The following CACNA2D3 variants were observed in gnomAD, a reference collection of about 807,000 sequenced individuals.
CACNA2D3 encodes the protein calcium voltage-gated channel auxiliary subunit alpha2delta 3.
In CACNA2D3, 60 loss-of-function variants were observed where a neutral mutation model predicts 160.6. The observed-to-expected ratio is 0.37, with a 90% CI of 0.30 to 0.46. The LOEUF (loss-of-function observed/expected upper bound fraction) is 0.46, where lower values mean the gene tolerates loss of function less well. Ranked by LOEUF, CACNA2D3 falls within the 20% of genes least tolerant of loss-of-function variation. CACNA2D3 has a pLI of 1.00. For synonymous variants in CACNA2D3, 558 were observed against 492.9 expected (o/e 1.13, Z -1.75); for missense variants, 1,205 against 1,365.0 (o/e 0.88, Z 1.85).
intron 31 of CACNA2D3, among the ~76,000 whole-genome samples, chr3:54,991,702 A>C (rs1358618336): frequency 6.6e-6 from 1 of 152,092 alleles, no homozygotes; most frequent in African/African-American, 2.4e-5. Context: ...CTGGACTTGA[A>C]ATAAGAAGAC....
At chr3:54,224,250 G>A (rs1701627424) in intron 2 of CACNA2D3, among the ~76,000 whole-genome samples, 1 of 151,324 alleles carries the variant, frequency 6.6e-6, no homozygotes, top group Non-Finnish European at 1.5e-5. Flanking sequence ...CCTCCTGAAG[G>A]ACGTGCCTGA....
At chr3:54,479,796 G>T (rs1575480304) in intron 4 of CACNA2D3, among the ~76,000 whole-genome samples, 1 of 152,204 alleles carries the variant, frequency 6.6e-6, no homozygotes, top group African/African-American at 2.4e-5. Context: ...ATGATTAAAT[G>T]ATGTATTTAA....
intron 35 of CACNA2D3, among the ~76,000 whole-genome samples, chr3:55,030,347 G>A (rs1440317811): frequency 6.6e-6 from 1 of 152,142 alleles, no homozygotes; most frequent in Non-Finnish European, 1.5e-5. Flanking sequence ...GATTTTCAAT[G>A]ATATGTCATA....
At chr3:54,391,360 G>C (rs1051318727) in intron 4 of CACNA2D3, among the ~76,000 whole-genome samples, 1 of 152,110 alleles carries the variant, frequency 6.6e-6, no homozygotes, top group Non-Finnish European at 1.5e-5. Context: ...GCATTAGATT[G>C]TTAGTTGTTA....
At chr3:54,204,761 A>G (rs559245181) in intron 2 of CACNA2D3, among the ~76,000 whole-genome samples, 49 of 139,462 alleles carry the variant, frequency 3.5e-4, no homozygotes, top group African/African-American at 1.3e-3. Flanking sequence ...GCAGCATTGC[A>G]CTCCAGCCTG....
At chr3:54,709,749 A>G (rs1446208345) in intron 11 of CACNA2D3, among the ~76,000 whole-genome samples, 2 of 151,920 alleles carry the variant, frequency 1.3e-5, no homozygotes, top group Non-Finnish European at 2.9e-5. Context: ...GCATAGCGAG[A>G]CCCTATCCAT....
intron 2 of CACNA2D3, among the ~76,000 whole-genome samples, chr3:54,219,455 G>A (rs1701525358): frequency 6.6e-6 from 1 of 152,116 alleles, no homozygotes; most frequent in African/African-American, 2.4e-5. Context: ...AGATGAATGT[G>A]GATGTTTAGA....
intron 2 of CACNA2D3, among the ~76,000 whole-genome samples, chr3:54,245,816 A>G (rs2107414560): frequency 6.6e-6 from 1 of 152,204 alleles, no homozygotes; most frequent in East Asian, 1.9e-4. Context: ...TTTCATCTTC[A>G]AATGAAAATG....
chr3:54,555,157 T>G (rs9848001), intron 5 of CACNA2D3, among the ~76,000 whole-genome samples: 1 of 152,178 alleles, frequency 6.6e-6, no homozygotes, highest in Non-Finnish European at 1.5e-5. Flanking sequence ...ATTACAGGTG[T>G]GAGCCAGTGT....
At chr3:54,368,343 G>T (rs1282726627) in intron 3 of CACNA2D3, among the ~76,000 whole-genome samples, 2 of 152,060 alleles carry the variant, frequency 1.3e-5, no homozygotes, top group Admixed American at 6.6e-5. Flanking sequence ...ACAAATAGTA[G>T]TTATTTGATT....
intron 8 of CACNA2D3, among the ~76,000 whole-genome samples, chr3:54,571,029 T>A (rs1363012110): frequency 6.6e-6 from 1 of 152,130 alleles, no homozygotes; most frequent in Non-Finnish European, 1.5e-5. Context: ...TAGGGAGACA[T>A]GAGACTTCAG....
At chr3:54,913,014 C>T (rs2106912372) in intron 27 of CACNA2D3, among the ~76,000 whole-genome samples, 1 of 152,232 alleles carries the variant, frequency 6.6e-6, no homozygotes, top group East Asian at 1.9e-4. Flanking sequence ...ATAGGATGGG[C>T]TGTACAGACT....
intron 3 of CACNA2D3, among the ~76,000 whole-genome samples, chr3:54,332,289 T>A (rs1704284057): frequency 6.6e-6 from 1 of 152,236 alleles, no homozygotes; most frequent in South Asian, 2.1e-4. Context: ...TAGTCAATGA[T>A]TTTAAATTAT....
chr3:54,512,513 A>T (rs1301452359), intron 5 of CACNA2D3, among the ~76,000 whole-genome samples: 1 of 152,214 alleles, frequency 6.6e-6, no homozygotes, highest in African/African-American at 2.4e-5. Flanking sequence ...TGAGCCAGGT[A>T]GCCTTCCTTT....
Position 54,763,770 on chromosome 3 carries a change from T to TAC in CACNA2D3, c.1247-447_1247-446insCA, listed in dbSNP as rs1553838582. 2.7e-3 allele frequency among the ~76,000 whole-genome samples: 7 copies of TAC among 2,624 alleles called. 2 individuals carry two copies. The East Asian group carries it at 0.12, about 43-fold the overall frequency. 1.7% of individuals were successfully genotyped at this position (2,624 alleles called of 152,430 possible). Reference sequence around the variant, plus strand: ...GTGCATATATATACACATATATATGTATATATGTACATATATATGTATATA... The same window carrying TAC: ...GTGCATATATATACACATATATATGTACATATATGTACATATATATGTATATA... On this transcript the variant is annotated intron_variant, in intron 12 of 37. Coordinates refer to ENST00000474759, the MANE Select transcript of CACNA2D3 (RefSeq NM_018398.3).
chr3:54,432,129 A>G (rs911491773), intron 4 of CACNA2D3, among the ~76,000 whole-genome samples: 1 of 152,132 alleles, frequency 6.6e-6, no homozygotes, highest in East Asian at 1.9e-4. Flanking sequence ...AAAACTGCAG[A>G]ATGCTTTGTA....
chr3:54,205,951 A>G (rs189555215), intron 2 of CACNA2D3, among the ~76,000 whole-genome samples: 1 of 152,350 alleles, frequency 6.6e-6, no homozygotes. Flanking sequence ...GGATGTACTT[A>G]CATCAAAAAT....
intron 17 of CACNA2D3, among the ~76,000 whole-genome samples, chr3:54,853,395 A>G (rs184837871): frequency 4.6e-5 from 7 of 152,328 alleles, no homozygotes; most frequent in African/African-American, 1.7e-4. Flanking sequence ...AGTTTCTTAC[A>G]ATAAATGAGA....
Position 54,403,523 on chromosome 3 carries a change from T to A in CACNA2D3, c.381+16749T>A, listed in dbSNP as rs142607249. 2.6e-4 allele frequency among the ~76,000 whole-genome samples: 39 copies of A among 151,834 alleles called. 1 individual carries two copies. The highest frequency in any genetic ancestry group is 8.2e-4 in the African/African-American group (34 of 41,360). ...AACTGTAAATGCCTACATTAAAAAA[T>A]AAGAAATATTTCAAATAATAAGAAG... On this transcript the variant is annotated intron_variant, in intron 4 of 37. Coordinates refer to ENST00000474759, the MANE Select transcript of CACNA2D3 (RefSeq NM_018398.3).
Sources: gnomAD v4.1 joint callset for allele counts (sites outside exome capture counted in the v4.1 genomes callset) on GRCh38, gnomAD v4.1.1 for gene constraint, MANE v1.5 for transcripts, NCBI Gene and HGNC (gene_info 2026-07-23, HGNC 2026-07-21) for gene names.